KIAA1671: variants seen among roughly 807,000 people sequenced by gnomAD.
KIAA1671 encodes the protein KIAA1671, also known as uncharacterized protein KIAA1671.
A neutral mutation model predicts 131.2 loss-of-function variants in KIAA1671; 52 were observed. The observed-to-expected ratio is 0.40, with a 90% CI of 0.32 to 0.50. The LOEUF (loss-of-function observed/expected upper bound fraction) is 0.50. Among genes scored for constraint, KIAA1671 ranks in the 20% least tolerant of loss-of-function variants. KIAA1671 has a pLI of 0.73. For missense variants in KIAA1671, 2,360 were observed against 2,364.2 expected (o/e 1.00, Z 0.04); for synonymous variants, 1,003 against 961.6 (o/e 1.04, Z -0.80).
chr22:25,185,242 C>G (rs1301580791), intron 11 of KIAA1671, 123 bp downstream of exon 11: 3 of 1,055,796 alleles, frequency 2.8e-6, no homozygotes, highest in Non-Finnish European at 4.0e-6. Flanking sequence ...TTTTCTCTAG[C>G]AGCAGAAGCT....
chr22:25,177,180 T>G (rs1654921145), intron 8 of KIAA1671, 168 bp from the exon 9 acceptor site: 3 of 649,126 alleles, frequency 4.6e-6, no homozygotes, highest in African/African-American at 1.8e-5. Flanking sequence ...ATGGGGAAAT[T>G]TAGGCTTTGG....
intron 6 of KIAA1671, chr22:25,062,726 C>T (rs978629131): frequency 1.3e-5 from 2 of 152,216 alleles, no homozygotes; most frequent in African/African-American, 2.4e-5. Flanking sequence ...TGGAGAGAAC[C>T]GATTGGGGCC....
At chr22:24,987,040 G>A (rs1472365035) in intron 1 of KIAA1671, among the ~76,000 whole-genome samples, 1 of 152,014 alleles carries the variant, frequency 6.6e-6, no homozygotes, top group Non-Finnish European at 1.5e-5. Flanking sequence ...AAACAAGTGG[G>A]TGTGGCTGTG....
At chr22:25,157,248 C>T (rs1415313319) in intron 6 of KIAA1671, among the ~76,000 whole-genome samples, 1 of 152,230 alleles carries the variant, frequency 6.6e-6, no homozygotes, top group Non-Finnish European at 1.5e-5. Flanking sequence ...CATCTCTCCT[C>T]GTCCTCTAGT....
At chr22:25,045,164 G>GA (rs1210710782) in intron 5 of KIAA1671, among the ~76,000 whole-genome samples, 42 of 140,814 alleles carry the variant, frequency 3.0e-4, no homozygotes, top group South Asian at 1.1e-3. Context: ...CCGTCTCAAA[G>GA]AAAAAAAAAA....
At chr22:24,977,937 G>A (rs188816609) in intron 1 of KIAA1671, among the ~76,000 whole-genome samples, 37 of 152,288 alleles carry the variant, frequency 2.4e-4, no homozygotes, top group African/African-American at 8.7e-4. Flanking sequence ...CTTCTTGTGA[G>A]TGTCTTTCAG....
At chr22:24,971,109 ACCATGC>A (rs1353118587) in intron 1 of KIAA1671, among the ~76,000 whole-genome samples, 1 of 152,178 alleles carries the variant, frequency 6.6e-6, no homozygotes, top group Admixed American at 6.5e-5. Context: ...GGCACGTGCC[ACCATGC>A]CCAGCTAATT....
chr22:25,108,931 G>T (rs1252193659), intron 6 of KIAA1671, among the ~76,000 whole-genome samples: 1 of 152,110 alleles, frequency 6.6e-6, no homozygotes, highest in East Asian at 1.9e-4. Context: ...CACTCACATG[G>T]CCAGCAACTG....
At chr22:25,109,461 T>C (rs1931220717) in intron 6 of KIAA1671, among the ~76,000 whole-genome samples, 1 of 152,142 alleles carries the variant, frequency 6.6e-6, no homozygotes, top group African/African-American at 2.4e-5. Context: ...CATCACTTCT[T>C]TATTCTGCTA....
chr22:25,025,133 A>AGC (rs1925868893), intron 1 of KIAA1671, among the ~76,000 whole-genome samples: 4 of 90,312 alleles, frequency 4.4e-5, no homozygotes, highest in Non-Finnish European at 4.7e-5. Flanking sequence ...TACCAAGTGA[A>AGC]GCACATCACT....
chr22:24,973,396 T>G (rs74279140), intron 1 of KIAA1671, among the ~76,000 whole-genome samples: 63 of 57,522 alleles, frequency 1.1e-3, no homozygotes, highest in East Asian at 4.3e-3. Context: ...ATGGTTTTTT[T>G]TTTTTTTTTT....
intron 6 of KIAA1671, among the ~76,000 whole-genome samples, chr22:25,149,079 A>G (rs933892696): frequency 5.6e-5 from 8 of 142,632 alleles, no homozygotes; most frequent in Admixed American, 2.1e-4. Flanking sequence ...AACAATCACA[A>G]TCATTTCCTG....
At chr22:25,038,730 G>A in intron 4 of KIAA1671, 30 bp from the exon 5 acceptor site, 1 of 1,512,108 alleles carries the variant, frequency 6.6e-7, no homozygotes, top group Non-Finnish European at 8.9e-7. Context: ...AAACACTGAG[G>A]TGTTTCTTTT....
chr22:25,035,502 C>A (rs1011095703), intron 4 of KIAA1671, among the ~76,000 whole-genome samples: 17 of 152,302 alleles, frequency 1.1e-4, no homozygotes, highest in Non-Finnish European at 1.8e-4. Context: ...CAGTACATCA[C>A]CAACAAAAGT....
In KIAA1671 at chr22:25,196,487, T is replaced by G. The variant is rs1216718157; in HGVS notation, c.*4086T>G. Reference sequence around the variant, plus strand: ...TCTTGCTCTGTTGGCCAGGCTGGAATGCAGTGGCACAATCATAGCTCACTC... The same window carrying G: ...TCTTGCTCTGTTGGCCAGGCTGGAAGGCAGTGGCACAATCATAGCTCACTC... On this transcript the variant is annotated 3_prime_UTR_variant, in exon 13 of 13. Transcript: ENST00000358431. 1 of 152,130 alleles carries G rather than the reference T, an allele frequency of 6.6e-6. No homozygotes were observed. The highest frequency in any genetic ancestry group is 1.5e-5 in the Non-Finnish European group (1 of 68,060). 9.4% of individuals were successfully genotyped at this position (152,130 alleles called of 1,614,324 possible).
chr22:24,974,685 CTT>C (rs34171375), intron 1 of KIAA1671, among the ~76,000 whole-genome samples: 64 of 81,266 alleles, frequency 7.9e-4, no homozygotes, highest in East Asian at 3.3e-3. Context: ...CAGCTCACCT[CTT>C]TTTTTTTTTT....
chr22:25,106,888 CATT>C, intron 6 of KIAA1671, among the ~76,000 whole-genome samples: 1 of 152,210 alleles, frequency 6.6e-6, no homozygotes. Flanking sequence ...ACCTTTTCAT[CATT>C]ATCTATGTGA....
At chr22:24,970,466 A>G (rs1488256697) in intron 1 of KIAA1671, among the ~76,000 whole-genome samples, 1 of 152,146 alleles carries the variant, frequency 6.6e-6, no homozygotes, top group Admixed American at 6.5e-5. Flanking sequence ...GAACCAATAC[A>G]TTATACAACC....
At chr22:25,072,758 T>G (rs923571222) in intron 6 of KIAA1671, among the ~76,000 whole-genome samples, 6 of 152,174 alleles carry the variant, frequency 3.9e-5, no homozygotes, top group Non-Finnish European at 8.8e-5. Context: ...GCAATTCCTT[T>G]GAATTCTCTA....
Sources: allele counts gnomAD v4.1 joint callset (sites outside exome capture counted in the v4.1 genomes callset), GRCh38; gene constraint gnomAD v4.1.1; transcripts MANE v1.5; gene names NCBI Gene and HGNC (gene_info 2026-07-23, HGNC 2026-07-21).